DDIAS: variants seen among roughly 807,000 people sequenced by gnomAD.
The protein encoded by DDIAS is DNA damage induced apoptosis suppressor.
DDIAS carries 14 observed loss-of-function variants against 15.7 expected under a neutral mutation model. The observed-to-expected ratio is 0.89, with a 90% confidence interval of 0.59 to 1.39. DDIAS has a LOEUF of 1.39. Among genes scored for constraint, DDIAS ranks in the 40% most tolerant of loss-of-function variants. DDIAS has a pLI of 0.00. For missense variants in DDIAS, 1,035 were observed against 1,130.9 expected, an observed-to-expected ratio of 0.92 and a Z score of 1.22; for synonymous variants, 355 against 395.9, an observed-to-expected ratio of 0.90 and a Z score of 1.23.
chr11:82,905,315 A>G (rs1462071964), intron 1 of DDIAS, among the ~76,000 whole-genome samples: 2 of 152,144 alleles, frequency 1.3e-5, no homozygotes, highest in East Asian at 3.8e-4. Flanking sequence ...AAAGAAAGCA[A>G]GATTTTCTTT....
At chr11:82,919,539 G>A (rs1298848787) in intron 3 of DDIAS, among the ~76,000 whole-genome samples, 1 of 152,198 alleles carries the variant, frequency 6.6e-6, no homozygotes, top group African/African-American at 2.4e-5. Flanking sequence ...TGTTCATCAA[G>A]GATATCGGGC....
rs749036846 is a variant in DDIAS, at chr11:82,934,285, C to T, written c.2947C>T (p.Pro983Ser). 8 of 1,608,132 alleles carry T rather than the reference C, an allele frequency of 5.0e-6. No individual in the cohort carries two copies. Among genetic ancestry groups the T allele is most frequent in the African/African-American group, 1.3e-5 (1 of 74,610 alleles). Residue 983 changes from proline to serine, a missense_variant, in exon 6 of 6, where the codon CCT becomes TCT. By Grantham distance (74) the Pro-to-Ser change is moderately conservative. Transcript: ENST00000533655. ...CCLPFSEKGP[P>S]SVCETRSAWS... ...CCTTCCATTTTCAGAAAAAGGCCCA[C>T]CTTCAGTGTGTGAAACTCGAAGTGC...
intron 3 of DDIAS, among the ~76,000 whole-genome samples, chr11:82,920,104 T>A (rs1860715038): frequency 6.6e-6 from 1 of 152,190 alleles, no homozygotes; most frequent in African/African-American, 2.4e-5. Context: ...CTTCCTGATT[T>A]AAGCTAGGAG....
At position 82,932,495 on chromosome 11, in the gene DDIAS, A is replaced by G. The variant is rs1388588806; in HGVS notation, c.1157A>G (p.Lys386Arg). The G allele has an allele frequency of 3.1e-6, 5 of 1,614,214 alleles. No homozygotes were observed. The highest frequency in any genetic ancestry group is 4.2e-6 in the Non-Finnish European group (5 of 1,180,048). Residue 386 changes from lysine (K) to arginine (R), a missense_variant, in exon 6 of 6, where the codon AAG becomes AGG. Physicochemically the swap from Lys to Arg is conservative, Grantham distance 26 (BLOSUM62 2). Coordinates refer to ENST00000533655, the MANE Select transcript of DDIAS (RefSeq NM_145018.4). ...HGIDTPTSLQ[K>R]RSACCPPSLL... is the part of the protein sequence containing the mutation. ...ATAGATACCCCAACTAGCCTTCAGA[A>G]GAGATCTGCATGTTGTCCACCTTCG...
rs761904070 is a variant in DDIAS at position 82,933,060 on chromosome 11, C to A, written c.1722C>A (p.Asn574Lys). The A allele has an allele frequency of 2.1e-5, 33 of 1,603,500 alleles. No homozygotes were observed. The highest frequency in any genetic ancestry group is 2.6e-5 in the Non-Finnish European group (31 of 1,178,390). Residue 574 changes from asparagine (N) to lysine (K), a missense_variant, in exon 6 of 6, where the codon AAC (asparagine) becomes AAA (lysine). Transcript: ENST00000533655. ...AGAGTGACCATTCTAGTCTAAATAA[C>A]AAATATTTGAATGGATGTGGAGAAA... Reference protein sequence around the residue: ...HRESDHSSLNNKYLNGCGEIS... With the variant: ...HRESDHSSLNKKYLNGCGEIS...
At chr11:82,916,134 T>C (rs958287421) in intron 3 of DDIAS, among the ~76,000 whole-genome samples, 3 of 152,136 alleles carry the variant, frequency 2.0e-5, no homozygotes, top group Non-Finnish European at 2.9e-5. Flanking sequence ...CTATGTGACC[T>C]AGGGCAAGAT....
chr11:82,911,294 C>G (rs1018705240), intron 1 of DDIAS, among the ~76,000 whole-genome samples: 3 of 152,202 alleles, frequency 2.0e-5, no homozygotes, highest in Non-Finnish European at 4.4e-5. Flanking sequence ...GCGTTTTACT[C>G]ACAGTAGAAC....
Position 82,933,085 on chromosome 11 carries a change from A to C in DDIAS, c.1747A>C (p.Ile583Leu). The C allele has an allele frequency of 6.2e-7, 1 of 1,602,622 alleles. No individual in the cohort carries two copies. The highest frequency in any genetic ancestry group is 1.1e-5 in the South Asian group (1 of 90,116). The change falls in exon 6 of 6, where the codon ATA becomes CTA. Residue 583 changes from isoleucine to leucine, a missense_variant. Ile to Leu is a conservative substitution (Grantham distance 5). Coordinates refer to ENST00000533655, the MANE Select transcript of DDIAS (RefSeq NM_145018.4). ...CAAATATTTGAATGGATGTGGAGAA[A>C]TATCAGTTTCAGAAATGAATGAAAA... ...NNKYLNGCGE[I>L]SVSEMNEKLT... is the part of the protein sequence containing the mutation.
At chr11:82,917,259 T>A (rs1006001239) in intron 3 of DDIAS, among the ~76,000 whole-genome samples, 1 of 152,150 alleles carries the variant, frequency 6.6e-6, no homozygotes, top group African/African-American at 2.4e-5. Context: ...CCGAGCAGTA[T>A]ACACTGCACC....
At chr11:82,923,466 T>A (rs1349197752) in intron 3 of DDIAS, among the ~76,000 whole-genome samples, 1 of 152,314 alleles carries the variant, frequency 6.6e-6, no homozygotes, top group East Asian at 1.9e-4. Context: ...CAGAGAGACG[T>A]CCCTAAATAT....
rs1270959384 is a variant in DDIAS at position 82,930,198 on chromosome 11, A to G, written c.317A>G (p.Asn106Ser). 4 of 1,602,526 alleles carry G rather than the reference A, an allele frequency of 2.5e-6. No homozygotes were observed. The highest frequency in any genetic ancestry group is 3.4e-5 in the Admixed American group (2 of 58,174). ...DPNKIPETLDNDTTQNLLTKA... is the reference protein window; with the variant it reads ...DPNKIPETLDSDTTQNLLTKA... The stretch of plus-strand genomic sequence containing the variant: ...AATAAAATTCCAGAAACACTGGACA[A>G]TGATACAACTCAGAATCTATTAACT... Residue 106 changes from asparagine to serine, a missense_variant, in exon 5 of 6, where the codon AAT (asparagine) becomes AGT (serine). Coordinates refer to ENST00000533655, the MANE Select transcript of DDIAS (RefSeq NM_145018.4).
intron 1 of DDIAS, among the ~76,000 whole-genome samples, chr11:82,912,150 A>G (rs1860540278): frequency 6.6e-6 from 1 of 152,184 alleles, no homozygotes; most frequent in African/African-American, 2.4e-5. Flanking sequence ...TGGTGTCAGT[A>G]TCAAGACACC....
Position 82,928,804 on chromosome 11 carries a change from T to C in DDIAS, c.141T>C (p.Thr47=), listed in dbSNP as rs771377100. The stretch of plus-strand genomic sequence containing the variant: ...CTAATTGTCCAAAATGTGGCTCTAC[T>C]GGTGAATCTGGAAATGCCAATTACA... ...KRSNCPKCGS[T]GESGNANYRY... The change falls in exon 4 of 6, where the codon ACT becomes ACC. Residue 47 remains threonine (T), a synonymous_variant. Coordinates refer to ENST00000533655, the MANE Select transcript of DDIAS (RefSeq NM_145018.4). 1 of 1,613,660 alleles carries C rather than the reference T, an allele frequency of 6.2e-7. No individual in the cohort carries two copies. Among genetic ancestry groups the C allele is most frequent in the Non-Finnish European group, 8.5e-7 (1 of 1,179,856 alleles).
intron 3 of DDIAS, among the ~76,000 whole-genome samples, chr11:82,919,195 C>T (rs969501797): frequency 3.9e-5 from 6 of 152,148 alleles, no homozygotes; most frequent in Non-Finnish European, 5.9e-5. Flanking sequence ...GGAATGCTTT[C>T]AACTTTTCTC....
chr11:82,907,390 A>G (rs1860452485), intron 1 of DDIAS, among the ~76,000 whole-genome samples: 1 of 152,224 alleles, frequency 6.6e-6, no homozygotes, highest in Non-Finnish European at 1.5e-5. Flanking sequence ...ATGGTGTAGA[A>G]AAAAAGAAAA....
intron 1 of DDIAS, among the ~76,000 whole-genome samples, chr11:82,902,180 G>A (rs1860323614): frequency 6.6e-6 from 1 of 152,154 alleles, no homozygotes; most frequent in African/African-American, 2.4e-5. Flanking sequence ...GCTGAAAGGG[G>A]ATCTTCCAAA....
At chr11:82,925,789 C>A (rs570722125) in intron 3 of DDIAS, among the ~76,000 whole-genome samples, 1 of 152,024 alleles carries the variant, frequency 6.6e-6, no homozygotes, top group East Asian at 1.9e-4. Context: ...GAGATCGAGA[C>A]CATCCTGGCT....
chr11:82,922,119 C>A (rs188267403), intron 3 of DDIAS, among the ~76,000 whole-genome samples: 190 of 152,234 alleles, frequency 1.2e-3, no homozygotes, highest in African/African-American at 4.3e-3. Context: ...TTACCTGGTG[C>A]TTCTGTCTCA....
chr11:82,917,344 A>G (rs1476674059), intron 3 of DDIAS, among the ~76,000 whole-genome samples: 1 of 142,530 alleles, frequency 7.0e-6, no homozygotes, highest in Admixed American at 7.2e-5. Flanking sequence ...TATCATTCTT[A>G]TGCTTTTGCA....
Sources: gnomAD v4.1 joint callset for allele counts (sites outside exome capture counted in the v4.1 genomes callset) on GRCh38, gnomAD v4.1.1 for gene constraint, MANE v1.5 for transcripts, NCBI Gene and HGNC (gene_info 2026-07-23, HGNC 2026-07-21) for gene names.